Variants in SMARCA4 observed in about 807,000 individuals in gnomAD.
SMARCA4 encodes SWI/SNF related BAF chromatin remodeling complex subunit ATPase 4, also known as SWI/SNF-related matrix-associated actin-dependent regulator of chromatin subfamily A member 4.
A neutral mutation model predicts 193.9 loss-of-function variants in SMARCA4; 31 were observed. The ratio of observed to expected loss-of-function variants is 0.16; its 90% CI spans 0.12 to 0.22. The LOEUF (loss-of-function observed/expected upper bound fraction) is 0.22. Ranked by LOEUF, SMARCA4 falls within the 10% of genes least tolerant of loss-of-function variation. SMARCA4 has a pLI of 1.00. For synonymous variants in SMARCA4, 942 were observed against 933.1 expected (o/e 1.01, Z -0.17); for missense variants, 1,148 against 2,296.0 (o/e 0.50, Z 10.22).
At position 11,041,996 on chromosome 19, in the gene SMARCA4, G is replaced by A. The variant is rs2075646000; in HGVS notation, c.4424+436G>A. Among the ~76,000 whole-genome samples, 1 of 152,208 alleles carries A rather than the reference G, an allele frequency of 6.6e-6. No individual in the cohort carries two copies. The highest frequency in any genetic ancestry group is 1.5e-5 in the Non-Finnish European group (1 of 68,038). ...CTGCCCGTGTGGCCAGGAGGTTGGGGACAAGAGGCTGGCATGTCTGGAGCA... is the reference window on the plus strand; with the variant it reads ...CTGCCCGTGTGGCCAGGAGGTTGGGAACAAGAGGCTGGCATGTCTGGAGCA... On this transcript the variant is annotated intron_variant, in intron 30 of 34. Coordinates refer to ENST00000344626, the MANE Select transcript of SMARCA4 (RefSeq NM_003072.5). The surrounding 1 kb of genome is among the most constrained non-coding windows in gnomAD (Gnocchi z 5.6).
chr19:10,998,814 T>C (rs950032488), intron 11 of SMARCA4, among the ~76,000 whole-genome samples: 16 of 152,104 alleles, frequency 1.1e-4, no homozygotes, highest in African/African-American at 3.6e-4. Flanking sequence ...CCTGGAGCAC[T>C]TCCTTCCTCA....
In SMARCA4 at chr19:10,984,204, C is replaced by T. The variant is rs1060502087; in HGVS notation, c.53C>T (p.Pro18Leu). 10 of 1,612,396 alleles carry T rather than the reference C, an allele frequency of 6.2e-6. No individual in the cohort carries two copies. Among genetic ancestry groups the T allele is most frequent in the Non-Finnish European group, 6.8e-6 (8 of 1,178,920 alleles). ...GGAACTCCTCGGCCAGGTCCTTCCC[C>T]GGGCCCTGGCCCTTCCCCTGGAGCC... is the stretch of plus-strand genomic sequence containing the variant. ...LGGTPRPGPSPGPGPSPGAML... is the reference protein window; with the variant it reads ...LGGTPRPGPSLGPGPSPGAML... Residue 18 changes from proline (P) to leucine (L), a missense_variant, in exon 2 of 35, where the codon CCG becomes CTG. Coordinates refer to ENST00000344626, the MANE Select transcript of SMARCA4 (RefSeq NM_003072.5). This position sits in a 1 kb window ranked among gnomAD's most constrained non-coding sequence, Gnocchi z 4.3.
In SMARCA4 at chr19:11,034,644, T is replaced by C. The variant is rs1314311352; in HGVS notation, c.3952-270T>C. Among the ~76,000 whole-genome samples the C allele has an allele frequency of 6.6e-6, 1 of 152,166 alleles. No homozygotes were observed. The highest frequency in any genetic ancestry group is 1.5e-5 in the Non-Finnish European group (1 of 68,010). On this transcript the variant is annotated intron_variant, in intron 28 of 34. Coordinates refer to ENST00000344626, the MANE Select transcript of SMARCA4 (RefSeq NM_003072.5). The surrounding 1 kb of genome is among the most constrained non-coding windows in gnomAD (Gnocchi z 7.0). ...CTCCACCAACGCTGGGCCACGCAGC[T>C]GCTGCCCCCCTGCTGGGGTCTGCAG...
At chr19:11,061,204 A>AAAAAAAAAAAAT (rs1555797070) in intron 34 of SMARCA4, among the ~76,000 whole-genome samples, 6 of 45,218 alleles carry the variant, frequency 1.3e-4, no homozygotes, top group African/African-American at 6.8e-4. Context: ...AAAAAAAAAA[A>AAAAAAAAAAAAT]ATATATATAT....
chr19:11,047,026 A>G (rs2075971313), intron 30 of SMARCA4, among the ~76,000 whole-genome samples: 1 of 152,022 alleles, frequency 6.6e-6, no homozygotes, highest in Non-Finnish European at 1.5e-5. Context: ...TGGGTACAAA[A>G]TTGGTGTACT....
chr19:11,060,478 G>A, intron 34 of SMARCA4: 1 of 523,466 alleles, frequency 1.9e-6, no homozygotes, highest in Non-Finnish European at 3.5e-6. Flanking sequence ...CAGGGCACCA[G>A]GGCTCCTGGG....
intron 1 of SMARCA4, among the ~76,000 whole-genome samples, chr19:10,981,269 C>T (rs1037955610): frequency 6.6e-6 from 1 of 152,256 alleles, no homozygotes; most frequent in Non-Finnish European, 1.5e-5. Context: ...GCCGTGCCCA[C>T]GTTGCTGGGC....
chr19:10,968,155 A>G (rs188063835), intron 1 of SMARCA4, among the ~76,000 whole-genome samples: 1 of 151,982 alleles, frequency 6.6e-6, no homozygotes, highest in Admixed American at 6.6e-5. Flanking sequence ...CCGGCCAGTA[A>G]TTTTGTATTT....
At chr19:10,961,626 C>T (rs2083814906) in intron 1 of SMARCA4, 2 of 152,246 alleles carry the variant, frequency 1.3e-5, no homozygotes, top group African/African-American at 4.8e-5. Context: ...AGCCAAACCT[C>T]CAGATATGTC....
intron 29 of SMARCA4, among the ~76,000 whole-genome samples, chr19:11,035,339 A>T (rs2075206120): frequency 6.6e-6 from 1 of 152,120 alleles, no homozygotes; most frequent in Admixed American, 6.5e-5. Context: ...TGCAAGAAGG[A>T]CCCACGGTTC....
Position 10,986,759 on chromosome 19 carries a change from T to C in SMARCA4, c.761-146T>C. 1 of 1,217,238 alleles carries C rather than the reference T, an allele frequency of 8.2e-7. No individual in the cohort carries two copies. The highest frequency in any genetic ancestry group is 1.2e-6 in the Non-Finnish European group (1 of 855,680). 75.4% of individuals were successfully genotyped at this position (1,217,238 alleles called of 1,614,324 possible). A position where few individuals can be genotyped will look rare whatever the true frequency, so the allele number is the denominator to read the frequency against. On this transcript the variant is annotated intron_variant, in intron 4 of 34. Transcript: ENST00000344626. This position sits in a 1 kb window ranked among gnomAD's most constrained non-coding sequence, Gnocchi z 6.7. ...TCGGGTGGTGGGGGCAGCTAAATGC[T>C]GCTTCCCCAGCTCCCCGCTTCCCCT...
At chr19:11,022,655 C>T (rs938509334) in intron 19 of SMARCA4, among the ~76,000 whole-genome samples, 16 of 152,324 alleles carry the variant, frequency 1.1e-4, no homozygotes, top group African/African-American at 3.6e-4. Flanking sequence ...CTGCCCAGCA[C>T]GGCTGGGCCC....
intron 24 of SMARCA4, among the ~76,000 whole-genome samples, chr19:11,028,256 A>C (rs1207854180): frequency 6.6e-6 from 1 of 152,250 alleles, no homozygotes; most frequent in African/African-American, 2.4e-5. Flanking sequence ...CCATGTGGAC[A>C]CAGGAAAGAA....
In SMARCA4 at chr19:11,017,649, A is replaced by G. The variant is rs552343840; in HGVS notation, c.2439-1308A>G. Among the ~76,000 whole-genome samples, 3 of 152,214 alleles carry G rather than the reference A, an allele frequency of 2.0e-5. No individual in the cohort carries two copies. In the South Asian group the frequency reaches 6.2e-4, roughly 32 times the overall value. On this transcript the variant is annotated intron_variant, in intron 16 of 34. Transcript: ENST00000344626. Reference sequence around the variant, plus strand: ...CTTGCTCCTGGCTCTTCTCCCTCCCAGTGCAGATGCTCCGCACACCTCCGG... The same window carrying G: ...CTTGCTCCTGGCTCTTCTCCCTCCCGGTGCAGATGCTCCGCACACCTCCGG...
intron 1 of SMARCA4, among the ~76,000 whole-genome samples, chr19:10,980,032 T>C (rs527651284): frequency 2.2e-4 from 33 of 152,316 alleles, no homozygotes; most frequent in African/African-American, 7.7e-4. Flanking sequence ...CACTTTGTGC[T>C]GCAAGTCGGC....
chr19:10,982,887 C>T (rs771125087), intron 1 of SMARCA4, among the ~76,000 whole-genome samples: 6 of 152,064 alleles, frequency 3.9e-5, no homozygotes, highest in South Asian at 2.1e-4. Flanking sequence ...AGAAATATGC[C>T]GGAGAGTTCA....
chr19:11,038,600 T>C (rs532747979), intron 29 of SMARCA4, among the ~76,000 whole-genome samples: 1 of 152,284 alleles, frequency 6.6e-6, no homozygotes, highest in Admixed American at 6.5e-5. Context: ...CTGACACGTT[T>C]GTTACCCCAC....
intron 34 of SMARCA4, among the ~76,000 whole-genome samples, chr19:11,061,204 A>AAATATAT (rs1555797070): frequency 4.4e-5 from 2 of 45,216 alleles, no homozygotes; most frequent in African/African-American, 2.3e-4. Flanking sequence ...AAAAAAAAAA[A>AAATATAT]ATATATATAT....
At chr19:11,049,842 CTG>C (rs1188393450) in intron 30 of SMARCA4, among the ~76,000 whole-genome samples, 3 of 152,242 alleles carry the variant, frequency 2.0e-5, no homozygotes, top group Non-Finnish European at 4.4e-5. Flanking sequence ...GCGCTCACAT[CTG>C]TAATCCCAGC....
Sources: gnomAD v4.1 joint callset for allele counts (sites outside exome capture counted in the v4.1 genomes callset) on GRCh38, gnomAD v4.1.1 for gene constraint, Gnocchi (gnomAD v3.1) non-coding constraint, MANE v1.5 for transcripts, NCBI Gene and HGNC (gene_info 2026-07-23, HGNC 2026-07-21) for gene names.